Variants in ROBO2 observed in about 807,000 individuals in gnomAD.
The protein encoded by ROBO2 is roundabout guidance receptor 2, also known as roundabout homolog 2.
Under a neutral mutation model 160.8 loss-of-function variants are expected in ROBO2, and 53 were observed. The observed-to-expected ratio is 0.33, with a 90% CI of 0.26 to 0.41. The LOEUF is 0.41. Ranked by LOEUF, ROBO2 falls within the 10% of genes least tolerant of loss-of-function variation. The pLI is 1.00. For missense variants in ROBO2, 1,577 were observed against 1,722.4 expected (o/e 0.92, Z 1.49); for synonymous variants, 664 against 611.7 (o/e 1.09, Z -1.26).
chr3:75,924,983 G>A (rs1947229160), intron 1 of ROBO2, among the ~76,000 whole-genome samples: 1 of 151,034 alleles, frequency 6.6e-6, no homozygotes, highest in African/African-American at 2.4e-5. Context: ...CCACCGCGCC[G>A]GCCGGGAATT....
chr3:76,817,013 T>G (rs1324551959), intron 2 of ROBO2, among the ~76,000 whole-genome samples: 2 of 150,676 alleles, frequency 1.3e-5, no homozygotes, highest in Admixed American at 1.3e-4. Context: ...TAAGTGGGAG[T>G]TGAACAGTAA....
At chr3:76,657,997 G>A (rs956519188) in intron 2 of ROBO2, among the ~76,000 whole-genome samples, 6 of 148,862 alleles carry the variant, frequency 4.0e-5, no homozygotes, top group African/African-American at 1.5e-4. Context: ...AGCCCAGGGC[G>A]TTGAGGCTGT....
At chr3:76,763,145 C>A (rs554102951) in intron 2 of ROBO2, among the ~76,000 whole-genome samples, 2 of 150,054 alleles carry the variant, frequency 1.3e-5, no homozygotes, top group Admixed American at 6.7e-5. Context: ...ATCTTTAATG[C>A]GTGAACATTC....
At chr3:76,865,498 C>T (rs2071273747) in intron 2 of ROBO2, among the ~76,000 whole-genome samples, 1 of 152,040 alleles carries the variant, frequency 6.6e-6, no homozygotes, top group Non-Finnish European at 1.5e-5. Context: ...TACTGCTTTA[C>T]ACCGTCACTA....
At position 77,107,210 on chromosome 3, in the gene ROBO2, G is replaced by A. The variant is rs563699012; in HGVS notation, c.388+8870G>A. On this transcript the variant is annotated intron_variant, in intron 2 of 25. Transcript: ENST00000461745. ...CTCATGACCTAATCATCTTCCAAAC[G>A]CTCCACCTTCAGTGACATCACCTTC... Among the ~76,000 whole-genome samples, 22 of 152,208 alleles carry A rather than the reference G, an allele frequency of 1.4e-4. 1 individual carries two copies. Among genetic ancestry groups the A allele is most frequent in the African/African-American group, 4.6e-4 (19 of 41,540 alleles).
intron 2 of ROBO2, among the ~76,000 whole-genome samples, chr3:76,134,233 C>G (rs934233057): frequency 1.3e-5 from 2 of 151,874 alleles, no homozygotes; most frequent in African/African-American, 4.8e-5. Flanking sequence ...TCATGGCACT[C>G]TCTTTTCTTT....
At chr3:77,503,747 A>AT (rs1003609152) in intron 5 of ROBO2, among the ~76,000 whole-genome samples, 61 of 151,752 alleles carry the variant, frequency 4.0e-4, no homozygotes, top group African/African-American at 1.4e-3. Flanking sequence ...TATTTTTTTC[A>AT]TTTTTTTAAA....
chr3:76,089,209 G>A (rs766270378), intron 2 of ROBO2, among the ~76,000 whole-genome samples: 21 of 151,936 alleles, frequency 1.4e-4, no homozygotes, highest in Non-Finnish European at 2.9e-4. Context: ...TACCAAAATA[G>A]AAAATACCAG....
At chr3:76,114,568 T>A (rs1471594906) in intron 2 of ROBO2, among the ~76,000 whole-genome samples, 1 of 152,104 alleles carries the variant, frequency 6.6e-6, no homozygotes, top group Non-Finnish European at 1.5e-5. Flanking sequence ...ATAATTATTA[T>A]CATTATCTTT....
chr3:77,037,812 T>C (rs997740450), upstream of ROBO2, among the ~76,000 whole-genome samples: 2 of 152,226 alleles, frequency 1.3e-5, no homozygotes, highest in African/African-American at 4.8e-5. Context: ...CTCCAATGTC[T>C]TCCTTTCTGT....
chr3:77,476,774 G>T (rs1274103302), intron 2 of ROBO2, among the ~76,000 whole-genome samples: 1 of 152,118 alleles, frequency 6.6e-6, no homozygotes, highest in African/African-American at 2.4e-5. Context: ...AGGCAAAACT[G>T]CTATAAGGGA....
At chr3:76,915,634 C>T (rs1184461040) in intron 2 of ROBO2, among the ~76,000 whole-genome samples, 4 of 143,524 alleles carry the variant, frequency 2.8e-5, no homozygotes, top group African/African-American at 1.1e-4. Context: ...TGCGTCACTG[C>T]ACTCCAGCCT....
rs562773117 is a variant in ROBO2, at chr3:76,325,874, A to T, written c.109+388272A>T. On this transcript the variant is annotated intron_variant, in intron 2 of 26. Transcript: ENST00000487694. ...CATAAGCTTGAATAACTATAATAAC[A>T]AAAGTTAGGTGGATTGAAGTTATCA... Among the ~76,000 whole-genome samples, 7 of 152,248 alleles carry T rather than the reference A, an allele frequency of 4.6e-5. No homozygotes were observed. In the South Asian group the frequency reaches 1.4e-3, roughly 32 times the overall value.
intron 2 of ROBO2, among the ~76,000 whole-genome samples, chr3:76,367,517 G>A (rs1488613603): frequency 5.9e-5 from 9 of 151,792 alleles, no homozygotes; most frequent in African/African-American, 2.2e-4. Flanking sequence ...AACTTCCTGT[G>A]GTTTGTGCCC....
chr3:76,524,243 G>A (rs2081805823), intron 2 of ROBO2, among the ~76,000 whole-genome samples: 1 of 151,950 alleles, frequency 6.6e-6, no homozygotes, highest in South Asian at 2.1e-4. Flanking sequence ...TAAAAATAGA[G>A]TGCACAAAAT....
At chr3:76,642,341 CTTTTTTTTTTTTTTTTT>C (rs71104611) in intron 2 of ROBO2, among the ~76,000 whole-genome samples, 2 of 62,230 alleles carry the variant, frequency 3.2e-5, no homozygotes, top group African/African-American at 1.4e-4. Context: ...TTTACACTTG[CTTTTTTTTTTTTTTTTT>C]TTTTTTTTTT....
intron 2 of ROBO2, among the ~76,000 whole-genome samples, chr3:76,967,018 T>C (rs1249777734): frequency 6.6e-6 from 1 of 152,166 alleles, no homozygotes; most frequent in Non-Finnish European, 1.5e-5. Flanking sequence ...TAAGCATCTA[T>C]CGCAGGCCAG....
intron 2 of ROBO2, among the ~76,000 whole-genome samples, chr3:76,927,646 C>T (rs1246271933): frequency 1.3e-5 from 2 of 151,978 alleles, no homozygotes; most frequent in Non-Finnish European, 2.9e-5. Context: ...TAAAGTATAG[C>T]TTATATTTTT....
Position 76,539,147 on chromosome 3 carries a change from G to A in ROBO2, c.110-558867G>A, listed in dbSNP as rs565592270. On this transcript the variant is annotated intron_variant, in intron 2 of 26. Transcript: ENST00000487694. ...CTCATAAGTGGGAGCTGAACAATGA[G>A]AACACATGGACACAGGGAGGGGAAC... is the stretch of plus-strand genomic sequence containing the variant. 2.6e-5 allele frequency among the ~76,000 whole-genome samples: 4 copies of A among 152,130 alleles called. No individual in the cohort carries two copies. The East Asian group carries it at 7.7e-4, about 29-fold the overall frequency.
Sources: allele counts gnomAD v4.1 joint callset (sites outside exome capture counted in the v4.1 genomes callset), GRCh38; gene constraint gnomAD v4.1.1; transcripts MANE v1.5; gene names NCBI Gene and HGNC (gene_info 2026-07-23, HGNC 2026-07-21).